Variants in BMP7 observed in about 807,000 individuals in gnomAD.
The protein encoded by BMP7 is osteogenic protein 1.
A neutral mutation model predicts 41.2 loss-of-function variants in BMP7; 12 were observed. That is an observed-to-expected ratio of 0.29 (90% confidence interval 0.19 to 0.47). The LOEUF (loss-of-function observed/expected upper bound fraction) is 0.47. Ranked by LOEUF, BMP7 falls within the 20% of genes least tolerant of loss-of-function variation. BMP7 has a pLI of 0.99. For synonymous variants in BMP7, 248 were observed against 250.0 expected, an observed-to-expected ratio of 0.99 and a Z score of 0.07; for missense variants, 467 against 606.0, an observed-to-expected ratio of 0.77 and a Z score of 2.41.
chr20:57,174,779 T>A lies in BMP7; in HGVS notation c.1035+152A>T. On this transcript the variant is annotated intron_variant, in intron 5 of 6. Coordinates refer to ENST00000395863, the MANE Select transcript of BMP7 (RefSeq NM_001719.3). The surrounding 1 kb of genome is among the most constrained non-coding windows in gnomAD (Gnocchi z 4.3). ...TCGGATTTCATGAGGCCTCCCTGTA[T>A]CCTTAGCCCAAGTCCCCTTCCCTAG... is the stretch of plus-strand genomic sequence containing the variant. 1.2e-6 allele frequency: 1 copy of A among 838,918 alleles called. No individual in the cohort carries two copies. Among genetic ancestry groups the A allele is most frequent in the Non-Finnish European group, 1.9e-6 (1 of 514,692 alleles). The allele number at this position is 838,918 out of a possible 1,614,324, so 52.0% of individuals were successfully genotyped here. A position where few individuals can be genotyped will look rare whatever the true frequency, so the allele number is the denominator to read the frequency against.
intron 4 of BMP7, among the ~76,000 whole-genome samples, chr20:57,178,426 G>A (rs1983988436): frequency 6.6e-6 from 1 of 152,058 alleles, no homozygotes; most frequent in African/African-American, 2.4e-5. Flanking sequence ...GAGCCCAGAG[G>A]CCCCTGGTCC....
intron 1 of BMP7, among the ~76,000 whole-genome samples, chr20:57,255,039 A>G (rs1259031848): frequency 6.6e-6 from 1 of 152,086 alleles, no homozygotes; most frequent in Non-Finnish European, 1.5e-5. Flanking sequence ...TGGATAACAG[A>G]AGGGAAAGGT....
chr20:57,197,400 C>T (rs1266518598), intron 3 of BMP7, among the ~76,000 whole-genome samples: 4 of 152,128 alleles, frequency 2.6e-5, no homozygotes, highest in Non-Finnish European at 5.9e-5. Context: ...TCTCTACCTC[C>T]GGATGGCCAG....
intron 1 of BMP7, among the ~76,000 whole-genome samples, chr20:57,240,502 T>C (rs1182155637): frequency 6.6e-6 from 1 of 152,250 alleles, no homozygotes; most frequent in Non-Finnish European, 1.5e-5. Flanking sequence ...AATCTCTACC[T>C]GTTAGCCAGT....
chr20:57,189,281 C>T (rs1233104069), intron 3 of BMP7, among the ~76,000 whole-genome samples: 1 of 152,188 alleles, frequency 6.6e-6, no homozygotes, highest in Non-Finnish European at 1.5e-5. Flanking sequence ...CAGAGAAGAA[C>T]GTAGGCCCTG....
chr20:57,265,578 G>C (rs1398623916), intron 1 of BMP7, 127 bp downstream of exon 1: 1 of 1,424,512 alleles, frequency 7.0e-7, no homozygotes, highest in Non-Finnish European at 9.6e-7. Flanking sequence ...GGAGACCCTC[G>C]GGCAGGCACT....
chr20:57,176,716 G>A (rs1013244007), intron 4 of BMP7, among the ~76,000 whole-genome samples: 1 of 147,538 alleles, frequency 6.8e-6, no homozygotes, highest in East Asian at 2.1e-4. Context: ...TAGCCCACTT[G>A]TTAGGGAAAT....
intron 1 of BMP7, among the ~76,000 whole-genome samples, chr20:57,236,354 G>T (rs943928167): frequency 1.3e-5 from 2 of 152,226 alleles, no homozygotes; most frequent in African/African-American, 4.8e-5. Flanking sequence ...TGGTAGGGAA[G>T]AAACACGTGT....
chr20:57,253,385 C>T (rs7271402), intron 1 of BMP7, among the ~76,000 whole-genome samples: 1 of 152,132 alleles, frequency 6.6e-6, no homozygotes. Context: ...AGAAGAAAAT[C>T]GAAAGATCTT....
intron 2 of BMP7, among the ~76,000 whole-genome samples, chr20:57,223,999 C>T (rs562989977): frequency 1.3e-5 from 2 of 152,326 alleles, no homozygotes; most frequent in East Asian, 1.9e-4. Context: ...CCTACCTTCT[C>T]AGGTTTATGG....
intron 1 of BMP7, among the ~76,000 whole-genome samples, chr20:57,258,186 G>A (rs149677345): frequency 1.4e-4 from 22 of 152,238 alleles, no homozygotes; most frequent in East Asian, 5.8e-4. Context: ...TTGGTGAGTC[G>A]GATTTTTCAA....
intron 2 of BMP7, among the ~76,000 whole-genome samples, chr20:57,205,727 C>G (rs1056256297): frequency 2.6e-5 from 4 of 152,186 alleles, no homozygotes; most frequent in African/African-American, 9.7e-5. Flanking sequence ...AGAGTGAGAC[C>G]TTTAAACAGA....
rs1220983617 is a variant in BMP7 at position 57,228,068 on chromosome 20, G to A, written c.611+161C>T. Among the ~76,000 whole-genome samples the A allele has an allele frequency of 2.0e-5, 3 of 152,130 alleles. No homozygotes were observed. The highest frequency in any genetic ancestry group is 7.2e-5 in the African/African-American group (3 of 41,428). ...AATTTGTTGTCGGTCATGGTTTTAA[G>A]GAAGTGACATACACCATACACCTTC... On this transcript the variant is annotated intron_variant, in intron 2 of 6. Coordinates refer to ENST00000395863, the MANE Select transcript of BMP7 (RefSeq NM_001719.3). The surrounding 1 kb of genome is among the most constrained non-coding windows in gnomAD (Gnocchi z 4.5).
chr20:57,225,252 G>A (rs1985284442), intron 2 of BMP7, among the ~76,000 whole-genome samples: 2 of 152,214 alleles, frequency 1.3e-5, no homozygotes, highest in African/African-American at 4.8e-5. Context: ...TGGGGGATTT[G>A]AAGAGCATTT....
At chr20:57,226,095 C>G (rs1305297861) in intron 2 of BMP7, 1 of 397,216 alleles carries the variant, frequency 2.5e-6, no homozygotes, top group East Asian at 7.2e-5. Context: ...ACGCCCATCC[C>G]TCCTCCAAAC....
Position 57,169,606 on chromosome 20 carries a change from T to A in BMP7, c.*1353A>T, listed in dbSNP as rs992495897. The A allele has an allele frequency of 5.3e-5, 8 of 152,236 alleles. No homozygotes were observed. The highest frequency in any genetic ancestry group is 1.9e-4 in the African/African-American group (8 of 41,458). 9.4% of individuals were successfully genotyped at this position (152,236 alleles called of 1,614,324 possible). A position where few individuals can be genotyped will look rare whatever the true frequency, so the allele number is the denominator to read the frequency against. ...CAAATTTGTTTGCAGAGACTTCTGATCAGGGTCTGCAAATGAAGAGACAGC... is the reference window on the plus strand; with the variant it reads ...CAAATTTGTTTGCAGAGACTTCTGAACAGGGTCTGCAAATGAAGAGACAGC... On this transcript the variant is annotated 3_prime_UTR_variant, in exon 7 of 7. Coordinates refer to ENST00000395863, the MANE Select transcript of BMP7 (RefSeq NM_001719.3).
At chr20:57,242,052 G>C (rs1357969871) in intron 1 of BMP7, among the ~76,000 whole-genome samples, 1 of 152,124 alleles carries the variant, frequency 6.6e-6, no homozygotes, top group Non-Finnish European at 1.5e-5. Flanking sequence ...CTCCCAGAGG[G>C]AGGAACGCAG....
At position 57,266,341 on chromosome 20, in the gene BMP7, C is replaced by T; in HGVS notation, c.-219G>A. The T allele has an allele frequency of 3.4e-6, 1 of 296,304 alleles. No homozygotes were observed. The highest frequency in any genetic ancestry group is 6.0e-6 in the Non-Finnish European group (1 of 167,780). 18.4% of individuals were successfully genotyped at this position (296,304 alleles called of 1,614,324 possible). ...CCGGGCCCCTCGCCCCGCACTCGCC[C>T]GGGCGCACCGCAGGGCTTGGAAAGC... On this transcript the variant is annotated 5_prime_UTR_variant, in exon 1 of 7. Coordinates refer to ENST00000395863, the MANE Select transcript of BMP7 (RefSeq NM_001719.3).
At chr20:57,172,250 A>G (rs981231062) in intron 6 of BMP7, among the ~76,000 whole-genome samples, 1 of 152,192 alleles carries the variant, frequency 6.6e-6, no homozygotes, top group Non-Finnish European at 1.5e-5. Flanking sequence ...TTCTGTTTCC[A>G]GCCTAAGGAC....
Sources: allele counts gnomAD v4.1 joint callset (sites outside exome capture counted in the v4.1 genomes callset), GRCh38; gene constraint gnomAD v4.1.1; non-coding constraint Gnocchi (gnomAD v3.1); transcripts MANE v1.5; gene names NCBI Gene and HGNC (gene_info 2026-07-23, HGNC 2026-07-21).